MYCBP2: variants seen among roughly 807,000 people sequenced by gnomAD.
The protein encoded by MYCBP2 is MYC binding protein 2, also known as E3 ubiquitin-protein ligase MYCBP2.
MYCBP2 carries 120 observed loss-of-function variants against 525.3 expected under a neutral mutation model. That is an observed-to-expected ratio of 0.23 (90% CI 0.20 to 0.27). The LOEUF (loss-of-function observed/expected upper bound fraction) is 0.27. Among genes scored for constraint, MYCBP2 ranks in the 10% least tolerant of loss-of-function variants. The pLI, the probability that MYCBP2 is intolerant of heterozygous loss-of-function variation, is 1.00. For missense variants in MYCBP2, 4,149 were observed against 5,657.1 expected (o/e 0.73, Z 8.55); for synonymous variants, 1,894 against 1,955.8 (o/e 0.97, Z 0.83).
At chr13:77,195,321 G>C (rs1174722915) in intron 26 of MYCBP2, among the ~76,000 whole-genome samples, 1 of 152,166 alleles carries the variant, frequency 6.6e-6, no homozygotes, top group Non-Finnish European at 1.5e-5. Context: ...AATAGGCCAG[G>C]CCTGGTGGCT....
In MYCBP2 at chr13:77,128,108, A is replaced by G. The variant is rs146971407; in HGVS notation, c.7660-1566T>C. ...TATACTCATCATATATATTTGTAAG[A>G]ATTTATATATATGCAAACCTACATG... On this transcript the variant is annotated intron_variant, in intron 52 of 82. Transcript: ENST00000544440. Among the ~76,000 whole-genome samples the G allele has an allele frequency of 5.5e-3, 841 of 151,968 alleles. 5 individuals carry two copies. Among genetic ancestry groups the G allele is most frequent in the African/African-American group, 0.019 (782 of 41,554 alleles).
intron 1 of MYCBP2, among the ~76,000 whole-genome samples, chr13:77,309,442 C>G (rs2079886020): frequency 6.6e-6 from 1 of 152,150 alleles, no homozygotes; most frequent in Non-Finnish European, 1.5e-5. Flanking sequence ...AGAGGTTTTA[C>G]CTAAAAACCA....
intron 17 of MYCBP2, among the ~76,000 whole-genome samples, chr13:77,236,134 T>A (rs1356756871): frequency 6.6e-6 from 1 of 152,184 alleles, no homozygotes; most frequent in Non-Finnish European, 1.5e-5. Flanking sequence ...TGCTGTCAGA[T>A]AGGCAAAGAA....
At chr13:77,141,305 A>G (rs952907537) in intron 49 of MYCBP2, among the ~76,000 whole-genome samples, 2 of 152,194 alleles carry the variant, frequency 1.3e-5, no homozygotes, top group Admixed American at 6.5e-5. Context: ...AGTCCTCTCT[A>G]TGACAATGTA....
intron 29 of MYCBP2, 101 bp from the exon 30 acceptor site, chr13:77,189,148 T>TTTAA: frequency 1.3e-6 from 1 of 774,042 alleles, no homozygotes. Flanking sequence ...ATAAATTATA[T>TTTAA]ATTTAAATTT....
At chr13:77,292,621 G>A (rs1240042129) in intron 2 of MYCBP2, among the ~76,000 whole-genome samples, 2 of 152,096 alleles carry the variant, frequency 1.3e-5, no homozygotes, top group Non-Finnish European at 2.9e-5. Flanking sequence ...TATATCTGTG[G>A]TTGTCTACAG....
rs1201517213 is a variant in MYCBP2, at chr13:77,263,762, T to C, written c.1459A>G (p.Thr487Ala). 1.2e-6 allele frequency: 2 copies of C among 1,613,136 alleles called. No homozygotes were observed. Among genetic ancestry groups the C allele is most frequent in the East Asian group, 2.2e-5 (1 of 44,806 alleles). ...TGCTGTAGAACAGGTTCAGTGCTTG[T>C]GGCAAATATTCTGACAACAAAGCCA... ...DDGFVVRIFATSTEPVLQQEL... is the reference protein window; with the variant it reads ...DDGFVVRIFAASTEPVLQQEL... The change falls in exon 10 of 83, where the codon ACA becomes GCA. Residue 487 changes from threonine (T) to alanine (A), a missense_variant. Physicochemically the swap from Thr to Ala is moderately conservative, Grantham distance 58. Around this residue, in one of 21 missense-constraint regions of MYCBP2, gnomAD observed 262 missense variants for 419.3 expected, o/e 0.62. Transcript: ENST00000544440.
rs1447516247 is a variant in MYCBP2 at position 77,263,991 on chromosome 13, C to A, written c.1369G>T (p.Glu457Ter). ...TCAGTGAATAAAATATTTTGACCTT[C>A]AGTGTGGCAATCTGTGCAAAAGAAA... The part of the protein sequence containing the change: ...GTVMLPDCHT[E>*]GQNILFTDGE... The change falls in exon 9 of 83, where the codon GAA becomes TAA. Residue 457 changes from glutamate (E) to a stop codon, truncating the protein, a stop_gained. Coordinates refer to ENST00000544440, the MANE Select transcript of MYCBP2 (RefSeq NM_015057.5). LOFTEE classifies it high-confidence loss of function. The A allele has an allele frequency of 6.2e-7, 1 of 1,612,056 alleles. No homozygotes were observed.
chr13:77,303,082 C>T (rs948955330), intron 1 of MYCBP2, among the ~76,000 whole-genome samples: 5 of 152,186 alleles, frequency 3.3e-5, no homozygotes, highest in Admixed American at 3.3e-4. Flanking sequence ...TGCCTGTAAT[C>T]CCAGCACTTT....
intron 54 of MYCBP2, 109 bp from the exon 55 acceptor site, chr13:77,121,604 A>G: frequency 2.8e-6 from 3 of 1,082,282 alleles, no homozygotes; most frequent in Non-Finnish European, 3.7e-6. Flanking sequence ...ATTTTAAAAT[A>G]AGCTCACATC....
At chr13:77,212,216 C>A in intron 21 of MYCBP2, 56 bp from the exon 22 acceptor site, 1 of 1,504,308 alleles carries the variant, frequency 6.6e-7, no homozygotes, top group South Asian at 1.2e-5. Context: ...ATCTAATTTT[C>A]ATAAAGTTAA....
intron 54 of MYCBP2, among the ~76,000 whole-genome samples, chr13:77,124,710 T>G (rs1281754820): frequency 2.0e-5 from 3 of 152,216 alleles, no homozygotes; most frequent in African/African-American, 7.2e-5. Flanking sequence ...ACACAAGAAA[T>G]TCTTTGCTCT....
intron 13 of MYCBP2, among the ~76,000 whole-genome samples, chr13:77,258,032 T>C (rs2154335500): frequency 6.6e-6 from 1 of 152,318 alleles, no homozygotes; most frequent in African/African-American, 2.4e-5. Flanking sequence ...TAAAACATTA[T>C]CATCCAGACT....
chr13:77,252,465 A>G (rs982884582), intron 14 of MYCBP2, among the ~76,000 whole-genome samples: 4 of 152,228 alleles, frequency 2.6e-5, no homozygotes, highest in African/African-American at 9.6e-5. Flanking sequence ...TACAACTGGT[A>G]GGGTTTTGAA....
chr13:77,176,943 T>TA (rs2154241220), intron 35 of MYCBP2, among the ~76,000 whole-genome samples: 1 of 152,228 alleles, frequency 6.6e-6, no homozygotes, highest in South Asian at 2.1e-4. Flanking sequence ...AAGTTAGAGA[T>TA]AGAGATAGAC....
At chr13:77,130,379 G>C (rs1254178241) in intron 52 of MYCBP2, among the ~76,000 whole-genome samples, 1 of 150,622 alleles carries the variant, frequency 6.6e-6, no homozygotes, top group Middle Eastern at 3.2e-3. Context: ...TTTATTTACT[G>C]TTTTCTAGTT....
At chr13:77,122,159 A>G (rs2050822852) in intron 54 of MYCBP2, among the ~76,000 whole-genome samples, 2 of 152,044 alleles carry the variant, frequency 1.3e-5, no homozygotes, top group African/African-American at 4.8e-5. Context: ...TAAAATATGC[A>G]AACTAAATTA....
intron 1 of MYCBP2, among the ~76,000 whole-genome samples, chr13:77,300,933 T>G (rs1466831423): frequency 6.6e-6 from 1 of 152,140 alleles, no homozygotes; most frequent in Non-Finnish European, 1.5e-5. Flanking sequence ...AGCTTGGGCA[T>G]GAGTAAGGAC....
intron 55 of MYCBP2, among the ~76,000 whole-genome samples, chr13:77,114,318 T>C (rs1469737887): frequency 6.6e-6 from 1 of 151,986 alleles, no homozygotes; most frequent in African/African-American, 2.4e-5. Context: ...GCATGAGAGG[T>C]ATTAAGTATT....
Sources: allele counts gnomAD v4.1 joint callset (sites outside exome capture counted in the v4.1 genomes callset), GRCh38; gene constraint gnomAD v4.1.1; regional missense constraint gnomAD v4.1.1; transcripts MANE v1.5; gene names NCBI Gene and HGNC (gene_info 2026-07-23, HGNC 2026-07-21).